The following SEMA4A variants were observed in gnomAD, a reference collection of about 807,000 sequenced individuals.
The protein encoded by SEMA4A is semaphorin-4A.
A neutral mutation model predicts 72.5 loss-of-function variants in SEMA4A; 52 were observed. The observed-to-expected ratio is 0.72, with a 90% confidence interval of 0.57 to 0.90. SEMA4A has a LOEUF of 0.90. SEMA4A is among the 40% of genes least tolerant of loss of function. SEMA4A has a pLI of 0.00. For missense variants in SEMA4A, 926 were observed against 959.7 expected, an observed-to-expected ratio of 0.96 and a Z score of 0.46; for synonymous variants, 369 against 393.1, an observed-to-expected ratio of 0.94 and a Z score of 0.73.
intron 10 of SEMA4A, 25 bp from the exon 11 acceptor site, chr1:156,172,801 C>T (rs1309086764): frequency 1.2e-6 from 2 of 1,612,652 alleles, no homozygotes. Flanking sequence ...GCAAACCAAC[C>T]TGATCTGCCT....
In SEMA4A at chr1:156,175,372, T is replaced by A. The variant is rs1009871830; in HGVS notation, c.1592+129T>A. The A allele has an allele frequency of 3.2e-6, 4 of 1,244,696 alleles. No homozygotes were observed. In the African/African-American group the frequency reaches 5.9e-5, roughly 18 times the overall value. The allele number at this position is 1,244,696 out of a possible 1,614,324, so 77.1% of individuals were successfully genotyped here. On this transcript the variant is annotated intron_variant, in intron 13 of 14. Transcript: ENST00000368285. ...CTCCAAGAGTCCTCCCATCCTGCAG[T>A]GGGTTCCTCCAGGGATGGAGTTTCC...
chr1:156,175,333 T>C (rs1198535173), intron 13 of SEMA4A, 90 bp downstream of exon 13: 2 of 1,439,946 alleles, frequency 1.4e-6, no homozygotes, highest in Admixed American at 3.6e-5. Flanking sequence ...CTCCAGGGGC[T>C]ACTGACATAT....
In SEMA4A at chr1:156,175,599, G is replaced by T. The variant is rs1572430137; in HGVS notation, c.1636G>T (p.Ala546Ser). The change falls in exon 14 of 15, where the codon GCA (alanine) becomes TCA (serine). Residue 546 changes from alanine (A) to serine (S), a missense_variant. Transcript: ENST00000368285. Reference protein sequence around the residue: ...QDMERGNPEWACASGPMSRSL... With the variant: ...QDMERGNPEWSCASGPMSRSL... ...CATGGAGCGGGGGAACCCAGAGTGG[G>T]CATGTGCCAGTGGCCCCATGAGCAG... 1.9e-6 allele frequency: 3 copies of T among 1,613,516 alleles called. No homozygotes were observed. The highest frequency in any genetic ancestry group is 2.5e-6 in the Non-Finnish European group (3 of 1,179,774).
At chr1:156,150,962 G>T (rs939786393), upstream of SEMA4A, among the ~76,000 whole-genome samples, 3 of 152,082 alleles carry the variant, frequency 2.0e-5, no homozygotes, top group Non-Finnish European at 4.4e-5. Flanking sequence ...GGCCCCTGTG[G>T]GCAGGTCCCT....
At chr1:156,159,226 C>T (rs572594644) in intron 6 of SEMA4A, among the ~76,000 whole-genome samples, 1 of 152,014 alleles carries the variant, frequency 6.6e-6, no homozygotes, top group South Asian at 2.1e-4. Flanking sequence ...CCCAGCTACT[C>T]GGGAGGCTGA....
chr1:156,169,407 C>CTTTTTTTTTTTTTT (rs766983966), intron 10 of SEMA4A, among the ~76,000 whole-genome samples: 7 of 85,292 alleles, frequency 8.2e-5, no homozygotes, highest in Non-Finnish European at 1.2e-4. Flanking sequence ...CTTTTCTTTT[C>CTTTTTTTTTTTTTT]TTTTTTTTTT....
At chr1:156,149,430 A>T (rs1652362992), upstream of SEMA4A, among the ~76,000 whole-genome samples, 1 of 152,198 alleles carries the variant, frequency 6.6e-6, no homozygotes, top group African/African-American at 2.4e-5. Flanking sequence ...CCTTCTTCTC[A>T]GGCAGCTTAG....
At chr1:156,166,676 C>G (rs1271989634) in intron 10 of SEMA4A, among the ~76,000 whole-genome samples, 1 of 152,180 alleles carries the variant, frequency 6.6e-6, no homozygotes, top group Non-Finnish European at 1.5e-5. Context: ...CACCTGTAAT[C>G]TCAGCACTTT....
chr1:156,157,333 G>A lies in SEMA4A; in HGVS notation c.301-737G>A, dbSNP rs1036361078. Among the ~76,000 whole-genome samples, 5 of 152,030 alleles carry A rather than the reference G, an allele frequency of 3.3e-5. No homozygotes were observed. Among genetic ancestry groups the A allele is most frequent in the African/African-American group, 4.8e-5 (2 of 41,398 alleles). ...TGAGTAGCTGGGATTACAGGCGCCC[G>A]CCACTAGGCATGGCTGATTTTTCTG... On this transcript the variant is annotated intron_variant, in intron 3 of 14. Coordinates refer to ENST00000368285, the MANE Select transcript of SEMA4A (RefSeq NM_022367.4). The surrounding 1 kb of genome is among the most constrained non-coding windows in gnomAD (Gnocchi z 4.5).
At position 156,176,704 on chromosome 1, in the gene SEMA4A, T is replaced by C. The variant is rs771013942; in HGVS notation, c.1993T>C (p.Leu665=). The change falls in exon 15 of 15, where the codon TTG becomes CTG. Residue 665 remains leucine, a synonymous_variant. Transcript: ENST00000368285. ...GIPREHVKVP[L]TRVSGGAALA... ...CCCCCGGGAGCATGTGAAGGTCCCG[T>C]TGACCAGGGTCAGTGGTGGGGCCGC... 1.9e-5 allele frequency: 31 copies of C among 1,613,970 alleles called. No individual in the cohort carries two copies. Among genetic ancestry groups the C allele is most frequent in the African/African-American group, 2.7e-5 (2 of 74,942 alleles).
intron 5 of SEMA4A, 24 bp from the exon 6 acceptor site, chr1:156,158,695 C>G: frequency 6.3e-7 from 1 of 1,580,056 alleles, no homozygotes. Context: ...GCGTTCTGGC[C>G]CCCCAGCCTC....
chr1:156,147,851 C>T (rs1205868364), upstream of SEMA4A, among the ~76,000 whole-genome samples: 1 of 152,164 alleles, frequency 6.6e-6, no homozygotes, highest in Non-Finnish European at 1.5e-5. Flanking sequence ...GCTCTCTCTC[C>T]CTCTCCACCC....
intron 11 of SEMA4A, among the ~76,000 whole-genome samples, chr1:156,174,605 G>A (rs1422205338): frequency 6.6e-6 from 1 of 152,178 alleles, no homozygotes; most frequent in Non-Finnish European, 1.5e-5. Flanking sequence ...GTTTTGTCAG[G>A]GAGTTGCAAA....
chr1:156,161,724 C>G, intron 9 of SEMA4A: 1 of 580,252 alleles, frequency 1.7e-6, no homozygotes, highest in Non-Finnish European at 3.0e-6. Context: ...GAGGTTCTAA[C>G]TAGTTTATAT....
chr1:156,168,070 G>A (rs11586011), intron 10 of SEMA4A, among the ~76,000 whole-genome samples: 29,501 of 149,430 alleles, frequency 0.2, 3,166 homozygotes, highest in Non-Finnish European at 0.24. Context: ...ACAGGCGTGC[G>A]CCGCCACAGC....
At position 156,161,419 on chromosome 1, in the gene SEMA4A, A is replaced by G. The variant is rs778970194; in HGVS notation, c.884A>G (p.Gln295Arg). The G allele has an allele frequency of 4.3e-6, 7 of 1,613,356 alleles. No individual in the cohort carries two copies. Among genetic ancestry groups the G allele is most frequent in the Non-Finnish European group, 5.1e-6 (6 of 1,179,602 alleles). Residue 295 changes from glutamine (Q) to arginine (R), a missense_variant, in exon 9 of 15, where the codon CAG becomes CGG. By Grantham distance (43) the Gln-to-Arg change is conservative. Coordinates refer to ENST00000368285, the MANE Select transcript of SEMA4A (RefSeq NM_022367.4). ...CTGAAGGCCCAGCTGCTCTGCACCC[A>G]GCCGGGGCAGCTGCCCTTCAACGTC... ...TFLKAQLLCT[Q>R]PGQLPFNVIR...
intron 10 of SEMA4A, among the ~76,000 whole-genome samples, chr1:156,168,099 T>C (rs1401782089): frequency 6.6e-6 from 1 of 151,970 alleles, no homozygotes; most frequent in East Asian, 1.9e-4. Flanking sequence ...AATTTTTGTA[T>C]TTTTAGTAGA....
intron 14 of SEMA4A, 144 bp downstream of exon 14, chr1:156,175,800 T>C: frequency 2.9e-6 from 2 of 691,150 alleles, no homozygotes; most frequent in South Asian, 3.2e-5. Flanking sequence ...ATTTGGGTCC[T>C]GGCTATAGGG....
chr1:156,161,313 C>CCG, intron 8 of SEMA4A, 33 bp from the exon 9 acceptor site: 2 of 757,726 alleles, frequency 2.6e-6, no homozygotes, highest in Non-Finnish European at 3.8e-6. Flanking sequence ...TCGGGGCGCC[C>CCG]GGGGCGCCCC....
Sources: gnomAD v4.1 joint callset for allele counts (sites outside exome capture counted in the v4.1 genomes callset) on GRCh38, gnomAD v4.1.1 for gene constraint, Gnocchi (gnomAD v3.1) non-coding constraint, MANE v1.5 for transcripts, NCBI Gene and HGNC (gene_info 2026-07-23, HGNC 2026-07-21) for gene names.